OTC: variants seen among roughly 807,000 people sequenced by gnomAD.
The protein encoded by OTC is ornithine transcarbamylase, mitochondrial.
OTC carries 3 observed loss-of-function variants against 30.3 expected under a neutral mutation model. That is an observed-to-expected ratio of 0.10 (90% CI 0.05 to 0.26). The LOEUF (loss-of-function observed/expected upper bound fraction) is 0.26, where lower values mean the gene tolerates loss of function less well. OTC is among the 10% of genes least tolerant of loss of function. The probability of loss-of-function intolerance (pLI) is 1.00; values close to 1 mark genes in which losing one functional copy is unlikely to be tolerated. For synonymous variants in OTC, 111 were observed against 99.7 expected, an observed-to-expected ratio of 1.11 and a Z score of -0.67; for missense variants, 194 against 260.3, an observed-to-expected ratio of 0.75 and a Z score of 1.75.
chrX:38,370,706 G>A (rs1410834299), intron 3 of OTC, among the ~76,000 whole-genome samples: 2 of 111,206 alleles, frequency 1.8e-5, no homozygotes, highest in African/African-American at 6.5e-5. Flanking sequence ...AAGACAACTA[G>A]CAGGACTCTT....
Position 38,378,571 on chromosome X carries a change from A to T in OTC, c.299-2771A>T, listed in dbSNP as rs769732643. ...ATATAAAGCAAGTATTATTAGAGCT[A>T]ATAAGTAGTCAAAGACTTGTATCTT... is the stretch of plus-strand genomic sequence containing the variant. On this transcript the variant is annotated intron_variant, in intron 3 of 9. Transcript: ENST00000039007. Among the ~76,000 whole-genome samples, 6 of 111,835 alleles carry T rather than the reference A, an allele frequency of 5.4e-5. 1 individual carries two copies. The South Asian group carries it at 2.3e-3, about 42-fold the overall frequency.
At chrX:38,377,484 G>A (rs2068354345) in intron 3 of OTC, among the ~76,000 whole-genome samples, 1 of 110,761 alleles carries the variant, frequency 9.0e-6, no homozygotes, top group African/African-American at 3.4e-5. Flanking sequence ...ATACAAAACA[G>A]AGACTAAAAA....
chrX:38,386,385 A>AT (rs202002075), intron 4 of OTC, among the ~76,000 whole-genome samples: 1,554 of 67,618 alleles, frequency 0.023, 21 homozygotes, highest in South Asian at 0.11. Context: ...AAAAAAAAAA[A>AT]AATATATATA....
chrX:38,420,947 A>T, intron 9 of OTC, 76 bp from the exon 10 acceptor site: 12 of 693,513 alleles, frequency 1.7e-5, no homozygotes, highest in Non-Finnish European at 2.8e-5. Context: ...CTGAAACCTA[A>T]TTCACCTTCT....
intron 1 of OTC, among the ~76,000 whole-genome samples, chrX:38,354,838 T>C (rs1268508705): frequency 8.9e-6 from 1 of 112,105 alleles, no homozygotes; most frequent in East Asian, 2.8e-4. Context: ...TTGCACTACC[T>C]GTCAGCTAGA....
At chrX:38,376,291 CTG>C (rs1234077469) in intron 3 of OTC, among the ~76,000 whole-genome samples, 1 of 112,072 alleles carries the variant, frequency 8.9e-6, no homozygotes, top group African/African-American at 3.2e-5. Flanking sequence ...AAAGAGAAAT[CTG>C]TATCTGTTTT....
chrX:38,378,498 A>T (rs1170295482), intron 3 of OTC, among the ~76,000 whole-genome samples: 1 of 111,395 alleles, frequency 9.0e-6, no homozygotes, highest in Admixed American at 9.6e-5. Context: ...CAGCAAGAGA[A>T]TATAACAACA....
At chrX:38,354,569 G>C (rs1466943473) in intron 1 of OTC, among the ~76,000 whole-genome samples, 2 of 109,657 alleles carry the variant, frequency 1.8e-5, no homozygotes, top group Non-Finnish European at 3.8e-5. Context: ...ATACACTACT[G>C]TCTATATCCA....
At chrX:38,399,514 C>T (rs1335233421) in intron 4 of OTC, among the ~76,000 whole-genome samples, 6 of 110,725 alleles carry the variant, frequency 5.4e-5, no homozygotes, top group African/African-American at 2.0e-4. Flanking sequence ...TTTGGGGGGC[C>T]GAGGTGGGCG....
chrX:38,386,399 A>ATATATATG (rs2147333409), intron 4 of OTC, among the ~76,000 whole-genome samples: 1 of 107,037 alleles, frequency 9.3e-6, no homozygotes, highest in South Asian at 4.1e-4. Flanking sequence ...ATATATATAT[A>ATATATATG]TATGTAACTT....
the OTC span, among the ~76,000 whole-genome samples, chrX:38,347,102 A>G: frequency 2.7e-5 from 3 of 112,246 alleles, no homozygotes; most frequent in Admixed American, 1.9e-4. Flanking sequence ...ATCCACTTCT[A>G]GAATATTATT....
At chrX:38,333,621 C>A in the OTC span, among the ~76,000 whole-genome samples, 2 of 112,019 alleles carry the variant, frequency 1.8e-5, no homozygotes, top group African/African-American at 6.5e-5. Context: ...AGTTGTTATT[C>A]ATTTCTGGAG....
At chrX:38,420,643 C>T (rs963060020) in intron 9 of OTC, among the ~76,000 whole-genome samples, 1 of 110,781 alleles carries the variant, frequency 9.0e-6, no homozygotes, top group Non-Finnish European at 1.9e-5. Context: ...GATCAAACCA[C>T]GGTATAAACA....
intron 4 of OTC, among the ~76,000 whole-genome samples, chrX:38,384,727 G>T (rs979977877): frequency 2.7e-5 from 3 of 110,779 alleles, no homozygotes; most frequent in African/African-American, 9.9e-5. Context: ...CTGCTTTGGG[G>T]GCCTGGTCGA....
In OTC at chrX:38,408,729, C is replaced by A. The variant is rs889289132; in HGVS notation, c.664-13C>A. 20 of 1,155,034 alleles carry A rather than the reference C, an allele frequency of 1.7e-5. 1 individual carries two copies. Among genetic ancestry groups the A allele is most frequent in the Non-Finnish European group, 2.4e-5 (20 of 845,675 alleles). On this transcript the variant is annotated splice_polypyrimidine_tract_variant and intron_variant, in intron 6 of 9. Transcript: ENST00000039007. ...AAATTACCTAAATAAGATTTAAATT[C>A]TTCCTCCTTTAGGGTTATGAGCCGG...
the OTC span, among the ~76,000 whole-genome samples, chrX:38,340,846 G>C: frequency 9.1e-6 from 1 of 109,393 alleles, no homozygotes; most frequent in Admixed American, 9.8e-5. Context: ...ACCCAAGCTA[G>C]AGTACAGTGG....
At chrX:38,417,465 C>A (rs773073169) in intron 9 of OTC, among the ~76,000 whole-genome samples, 3 of 111,197 alleles carry the variant, frequency 2.7e-5, no homozygotes, top group Non-Finnish European at 3.8e-5. Flanking sequence ...GCATTGTAGT[C>A]AGGACCCAGG....
At chrX:38,348,541 C>CTTTTTT (rs35261069), upstream of OTC, among the ~76,000 whole-genome samples, 3 of 88,764 alleles carry the variant, frequency 3.4e-5, no homozygotes, top group Non-Finnish European at 6.4e-5. Flanking sequence ...CTTTTTTTTT[C>CTTTTTT]TTTTTTTTTT....
upstream of OTC, among the ~76,000 whole-genome samples, chrX:38,352,175 C>T (rs1318469496): frequency 2.0e-5 from 1 of 49,062 alleles, no homozygotes; most frequent in Non-Finnish European, 4.4e-5. Context: ...GCTTCCAGGG[C>T]ACTTCTTTCT....
Sources: allele counts gnomAD v4.1 joint callset (sites outside exome capture counted in the v4.1 genomes callset), GRCh38; gene constraint gnomAD v4.1.1; transcripts MANE v1.5; gene names NCBI Gene and HGNC (gene_info 2026-07-23, HGNC 2026-07-21).